The following CRPPA variants were observed in gnomAD, a reference collection of about 807,000 sequenced individuals.
CRPPA encodes D-ribitol-5-phosphate cytidylyltransferase.
A neutral mutation model predicts 52.0 loss-of-function variants in CRPPA; 43 were observed. The observed-to-expected ratio is 0.83, with a 90% CI of 0.65 to 1.07. The LOEUF (loss-of-function observed/expected upper bound fraction) is 1.07, where lower values mean the gene tolerates loss of function less well. Ranked by LOEUF, CRPPA falls within the 50% of genes least tolerant of loss-of-function variation. The pLI is 0.00. For synonymous variants in CRPPA, 250 were observed against 203.5 expected (o/e 1.23, Z -1.94); for missense variants, 629 against 551.7 (o/e 1.14, Z -1.40).
chr7:16,411,387 G>A (rs183098931), intron 1 of CRPPA, among the ~76,000 whole-genome samples: 13 of 152,150 alleles, frequency 8.5e-5, no homozygotes, highest in African/African-American at 2.9e-4. Context: ...AATCATTTTG[G>A]ATCATTGCAT....
chr7:16,283,406 A>C (rs538931178), intron 5 of CRPPA, among the ~76,000 whole-genome samples: 2 of 150,454 alleles, frequency 1.3e-5, no homozygotes, highest in South Asian at 4.2e-4. Context: ...ATCTACCTAG[A>C]TTCACTAATA....
chr7:16,366,654 C>A (rs1786597717), intron 3 of CRPPA, among the ~76,000 whole-genome samples: 2 of 151,680 alleles, frequency 1.3e-5, no homozygotes, highest in Admixed American at 6.6e-5. Context: ...AAAGAAGATC[C>A]CAGCCAAGTC....
intron 9 of CRPPA, among the ~76,000 whole-genome samples, chr7:16,145,610 T>G: frequency 6.8e-6 from 1 of 147,220 alleles, no homozygotes; most frequent in African/African-American, 2.5e-5. Context: ...ATGAGGAGAA[T>G]TAGAAGTTTA....
chr7:16,272,215 C>A (rs532092278), intron 6 of CRPPA, among the ~76,000 whole-genome samples: 1 of 152,082 alleles, frequency 6.6e-6, no homozygotes, highest in Non-Finnish European at 1.5e-5. Context: ...TAAAAAGTGC[C>A]TGTGAATGGG....
At chr7:16,289,667 G>A (rs537501901) in intron 5 of CRPPA, among the ~76,000 whole-genome samples, 24 of 152,140 alleles carry the variant, frequency 1.6e-4, no homozygotes, top group African/African-American at 5.8e-4. Context: ...ATAAGGTATA[G>A]AGAGACATAC....
chr7:16,400,781 C>G (rs1787796110), intron 2 of CRPPA, among the ~76,000 whole-genome samples: 1 of 152,250 alleles, frequency 6.6e-6, no homozygotes, highest in South Asian at 2.1e-4. Context: ...GACGTGGACA[C>G]ATGCCCAACA....
chr7:16,329,118 C>T (rs1785487801), intron 3 of CRPPA, among the ~76,000 whole-genome samples: 2 of 151,540 alleles, frequency 1.3e-5, no homozygotes, highest in South Asian at 4.2e-4. Flanking sequence ...TGAAATAAAA[C>T]TTGGGGATTT....
At chr7:16,204,677 T>C (rs547098209) in intron 9 of CRPPA, among the ~76,000 whole-genome samples, 9 of 152,150 alleles carry the variant, frequency 5.9e-5, no homozygotes, top group Non-Finnish European at 1.2e-4. Flanking sequence ...TTAGCCACCA[T>C]ACCTAAGTCA....
intron 9 of CRPPA, among the ~76,000 whole-genome samples, chr7:16,141,639 G>A (rs371403504): frequency 7.2e-5 from 11 of 152,228 alleles, no homozygotes; most frequent in African/African-American, 2.6e-4. Context: ...GTGTTAGAAG[G>A]ATTCTTTAAT....
At chr7:16,392,733 A>G (rs1393322513) in intron 2 of CRPPA, among the ~76,000 whole-genome samples, 1 of 152,114 alleles carries the variant, frequency 6.6e-6, no homozygotes, top group African/African-American at 2.4e-5. Flanking sequence ...TAGTTTCTCA[A>G]TACTATATTC....
intron 5 of CRPPA, 64 bp from the exon 6 acceptor site, chr7:16,278,290 G>T: frequency 1.2e-6 from 1 of 804,400 alleles, no homozygotes; most frequent in South Asian, 1.6e-5. Flanking sequence ...CTAGGATGCT[G>T]AAACATAAAC....
intron 3 of CRPPA, among the ~76,000 whole-genome samples, chr7:16,367,159 C>G (rs939417054): frequency 1.6e-5 from 2 of 124,976 alleles, no homozygotes; most frequent in South Asian, 4.5e-4. Flanking sequence ...CCTCAAATCT[C>G]CATTTGTCAA....
chr7:16,293,434 A>G (rs188354411), intron 5 of CRPPA, among the ~76,000 whole-genome samples: 17 of 152,124 alleles, frequency 1.1e-4, no homozygotes, highest in Admixed American at 1.0e-3. Flanking sequence ...TCTGTCTCAC[A>G]TGAAAGAATT....
intron 3 of CRPPA, among the ~76,000 whole-genome samples, chr7:16,369,067 G>C (rs2128310796): frequency 6.6e-6 from 1 of 152,240 alleles, no homozygotes; most frequent in African/African-American, 2.4e-5. Flanking sequence ...GACTGAACAA[G>C]ACAAAGTCCC....
At chr7:16,295,385 G>C (rs1473735158) in intron 5 of CRPPA, among the ~76,000 whole-genome samples, 1 of 151,840 alleles carries the variant, frequency 6.6e-6, no homozygotes, top group East Asian at 1.9e-4. Flanking sequence ...AAAACCAAAA[G>C]GGATGAAATG....
chr7:16,384,821 G>C (rs1243854321), intron 2 of CRPPA, among the ~76,000 whole-genome samples: 1 of 152,136 alleles, frequency 6.6e-6, no homozygotes, highest in Non-Finnish European at 1.5e-5. Context: ...GGGAGGGGAA[G>C]GGCAGGCAAG....
At chr7:16,238,104 C>T (rs766212165) in intron 8 of CRPPA, among the ~76,000 whole-genome samples, 10 of 152,266 alleles carry the variant, frequency 6.6e-5, no homozygotes, top group East Asian at 1.9e-4. Context: ...TTTAAGTAAA[C>T]TCTTATTATG....
chr7:16,407,536 A>G (rs1787983207), intron 1 of CRPPA, among the ~76,000 whole-genome samples: 1 of 152,250 alleles, frequency 6.6e-6, no homozygotes, highest in South Asian at 2.1e-4. Context: ...ATGCTAAAAC[A>G]GTTAAGTCTT....
intron 5 of CRPPA, among the ~76,000 whole-genome samples, chr7:16,283,825 A>G (rs547511461): frequency 6.6e-6 from 1 of 152,108 alleles, no homozygotes; most frequent in East Asian, 1.9e-4. Flanking sequence ...CAATTAAGCA[A>G]TCTCTAACAT....
Sources: gnomAD v4.1 joint callset for allele counts (sites outside exome capture counted in the v4.1 genomes callset) on GRCh38, gnomAD v4.1.1 for gene constraint, MANE v1.5 for transcripts, NCBI Gene and HGNC (gene_info 2026-07-23, HGNC 2026-07-21) for gene names.